Variants in PLA2G4A observed in about 807,000 individuals in gnomAD.
PLA2G4A encodes phospholipase A2 group IVA, also known as cytosolic phospholipase A2.
PLA2G4A carries 40 observed loss-of-function variants against 81.9 expected under a neutral mutation model. The ratio of observed to expected loss-of-function variants is 0.49; its 90% CI spans 0.38 to 0.64. The LOEUF is 0.64. Among genes scored for constraint, PLA2G4A ranks in the 30% least tolerant of loss-of-function variants. PLA2G4A has a pLI of 0.00. For missense variants in PLA2G4A, 715 were observed against 905.1 expected (o/e 0.79, Z 2.69); for synonymous variants, 302 against 296.9 (o/e 1.02, Z -0.18).
intron 6 of PLA2G4A, among the ~76,000 whole-genome samples, chr1:186,910,366 C>T (rs934790562): frequency 6.6e-6 from 1 of 152,112 alleles, no homozygotes; most frequent in Non-Finnish European, 1.5e-5. Flanking sequence ...CACACTCCAA[C>T]ATAGGCTGAC....
intron 3 of PLA2G4A, among the ~76,000 whole-genome samples, chr1:186,890,644 A>G (rs1173517890): frequency 1.3e-5 from 2 of 151,952 alleles, no homozygotes; most frequent in Non-Finnish European, 2.9e-5. Context: ...TCAGGAGGTC[A>G]GGAGATCGAG....
At chr1:186,885,610 A>C (rs1653908369) in intron 3 of PLA2G4A, among the ~76,000 whole-genome samples, 1 of 152,184 alleles carries the variant, frequency 6.6e-6, no homozygotes, top group African/African-American at 2.4e-5. Flanking sequence ...AGATCAAGAA[A>C]CAAACAGATC....
At chr1:186,928,797 C>T (rs750240109) in intron 7 of PLA2G4A, among the ~76,000 whole-genome samples, 9 of 152,202 alleles carry the variant, frequency 5.9e-5, no homozygotes, top group East Asian at 3.9e-4. Context: ...TAAATCAAAA[C>T]GCAAGGTTTT....
chr1:186,838,359 A>G (rs1004151518), intron 1 of PLA2G4A, among the ~76,000 whole-genome samples: 2 of 152,242 alleles, frequency 1.3e-5, no homozygotes, highest in African/African-American at 4.8e-5. Flanking sequence ...GCACTAAGCA[A>G]AACAAAATAA....
intron 15 of PLA2G4A, among the ~76,000 whole-genome samples, chr1:186,975,773 G>T (rs1391871393): frequency 6.6e-6 from 1 of 152,134 alleles, no homozygotes; most frequent in Non-Finnish European, 1.5e-5. Context: ...TTTGTTTCTT[G>T]TTGAGCTGTG....
chr1:186,972,339 T>G (rs889271637), intron 15 of PLA2G4A, among the ~76,000 whole-genome samples: 1 of 152,156 alleles, frequency 6.6e-6, no homozygotes, highest in Non-Finnish European at 1.5e-5. Flanking sequence ...TAGTGTACCA[T>G]TAGAGCTCAT....
intron 17 of PLA2G4A, among the ~76,000 whole-genome samples, chr1:186,980,131 G>C (rs1490508701): frequency 6.6e-6 from 1 of 151,904 alleles, no homozygotes; most frequent in African/African-American, 2.4e-5. Flanking sequence ...TGTGTTTGTA[G>C]TGAAGACGGG....
chr1:186,948,561 C>A (rs975261340), intron 12 of PLA2G4A, among the ~76,000 whole-genome samples: 5 of 151,398 alleles, frequency 3.3e-5, no homozygotes, highest in Non-Finnish European at 5.9e-5. Context: ...CATATTGAGG[C>A]TTGCTTCCTG....
intron 5 of PLA2G4A, among the ~76,000 whole-genome samples, chr1:186,903,276 C>G (rs1404708916): frequency 1.3e-5 from 2 of 151,734 alleles, no homozygotes; most frequent in African/African-American, 4.8e-5. Context: ...GATCAGAATT[C>G]AAAATAATGT....
At chr1:186,921,508 T>C (rs1304017862) in intron 7 of PLA2G4A, among the ~76,000 whole-genome samples, 2 of 152,184 alleles carry the variant, frequency 1.3e-5, no homozygotes, top group Non-Finnish European at 1.5e-5. Flanking sequence ...TACCCCAGTA[T>C]ATTGCTTCTC....
At chr1:186,907,119 TATG>T (rs1654766771) in intron 6 of PLA2G4A, 117 bp downstream of exon 6, 2 of 644,878 alleles carry the variant, frequency 3.1e-6, no homozygotes, top group African/African-American at 1.8e-5. Context: ...AGAAGTGCAT[TATG>T]TTTACTTTGC....
intron 3 of PLA2G4A, among the ~76,000 whole-genome samples, chr1:186,884,894 A>C (rs78081017): frequency 2.8e-3 from 3 of 1,056 alleles, no homozygotes; most frequent in Non-Finnish European, 4.1e-3. Context: ...CCTGTCTTCA[A>C]AAAAAAAAAA....
intron 3 of PLA2G4A, among the ~76,000 whole-genome samples, chr1:186,881,231 G>A (rs752025463): frequency 6.6e-6 from 1 of 151,894 alleles, no homozygotes; most frequent in Non-Finnish European, 1.5e-5. Flanking sequence ...TTCAGCCTAT[G>A]AGAAAAAAGG....
intron 7 of PLA2G4A, among the ~76,000 whole-genome samples, chr1:186,921,056 C>T (rs1382350513): frequency 2.0e-5 from 3 of 152,198 alleles, no homozygotes; most frequent in Admixed American, 1.3e-4. Context: ...TCCTCTTTTC[C>T]TTGGGTGACC....
rs1446554709 is a variant in PLA2G4A, at chr1:186,860,242, ATAAT to A, written c.33+5857_33+5860del. On this transcript the variant is annotated intron_variant, in intron 2 of 17. Transcript: ENST00000367466. ...TTTATTATGAGACATTAATTAATTGATAATTGATTAATGATTGGCTCACACAATT... is the reference window on the plus strand; with the variant it reads ...TTTATTATGAGACATTAATTAATTGATGATTAATGATTGGCTCACACAATT... Among the ~76,000 whole-genome samples, 6 of 152,162 alleles carry A rather than the reference ATAAT, an allele frequency of 3.9e-5. No homozygotes were observed. The South Asian group carries it at 8.3e-4, about 21-fold the overall frequency.
At chr1:186,919,318 T>C (rs1431055644) in intron 7 of PLA2G4A, among the ~76,000 whole-genome samples, 2 of 152,198 alleles carry the variant, frequency 1.3e-5, no homozygotes, top group Admixed American at 6.5e-5. Flanking sequence ...AGGCTACAGA[T>C]GACCTGCTTT....
chr1:186,907,843 A>C (rs1654795448), intron 6 of PLA2G4A, among the ~76,000 whole-genome samples: 1 of 152,224 alleles, frequency 6.6e-6, no homozygotes, highest in Non-Finnish European at 1.5e-5. Context: ...TGTTAATATA[A>C]GTCAGCAAAT....
intron 3 of PLA2G4A, among the ~76,000 whole-genome samples, chr1:186,876,590 A>C (rs1298680492): frequency 6.6e-6 from 1 of 152,068 alleles, no homozygotes; most frequent in Admixed American, 6.6e-5. Flanking sequence ...ACTGGCATCA[A>C]CCCGTCTGTT....
chr1:186,866,187 C>G (rs1029466543), intron 2 of PLA2G4A, among the ~76,000 whole-genome samples: 3 of 151,976 alleles, frequency 2.0e-5, no homozygotes, highest in Non-Finnish European at 4.4e-5. Context: ...GCAGTCTGGA[C>G]TAGTTTGAAA....
Sources: gnomAD v4.1 joint callset for allele counts (sites outside exome capture counted in the v4.1 genomes callset) on GRCh38, gnomAD v4.1.1 for gene constraint, MANE v1.5 for transcripts, NCBI Gene and HGNC (gene_info 2026-07-23, HGNC 2026-07-21) for gene names.